The following TRIP12 variants were observed in gnomAD, a reference collection of about 807,000 sequenced individuals.
TRIP12 encodes E3 ubiquitin-protein ligase TRIP12.
Under a neutral mutation model 244.2 loss-of-function variants are expected in TRIP12, and 25 were observed. The observed-to-expected ratio is 0.10, with a 90% CI of 0.07 to 0.14. The LOEUF is 0.14. TRIP12 is among the 10% of genes least tolerant of loss of function. TRIP12 has a pLI of 1.00. For synonymous variants in TRIP12, 905 were observed against 873.1 expected, an observed-to-expected ratio of 1.04 and a Z score of -0.64; for missense variants, 1,677 against 2,486.4, an observed-to-expected ratio of 0.67 and a Z score of 6.92.
intron 36 of TRIP12, among the ~76,000 whole-genome samples, chr2:229,777,941 T>A (rs1338884988): frequency 6.6e-6 from 1 of 152,192 alleles, no homozygotes; most frequent in Non-Finnish European, 1.5e-5. Flanking sequence ...AGAGGACTGC[T>A]TGAGGCCAGA....
intron 4 of TRIP12, among the ~76,000 whole-genome samples, chr2:229,856,783 G>C (rs1418249157): frequency 1.3e-5 from 2 of 152,168 alleles, no homozygotes; most frequent in Non-Finnish European, 1.5e-5. Flanking sequence ...ACAAATAGTT[G>C]GTTGTCCTTT....
chr2:229,886,756 T>C (rs1316879881), intron 1 of TRIP12, among the ~76,000 whole-genome samples: 2 of 152,218 alleles, frequency 1.3e-5, no homozygotes, highest in Non-Finnish European at 2.9e-5. Context: ...CATGAGCCAC[T>C]GTGCCCGGCC....
At chr2:229,884,026 G>A (rs894910708) in intron 1 of TRIP12, among the ~76,000 whole-genome samples, 24 of 151,336 alleles carry the variant, frequency 1.6e-4, no homozygotes, top group Non-Finnish European at 2.8e-4. Flanking sequence ...CAGGAGAATC[G>A]CTTGAACTCA....
At chr2:229,795,360 AC>A (rs753028946) in intron 25 of TRIP12, 30 bp from the exon 26 acceptor site, 2 of 1,581,426 alleles carry the variant, frequency 1.3e-6, no homozygotes, top group Non-Finnish European at 1.7e-6. Context: ...AACAGGTTAA[AC>A]AAAGCCTTTT....
At chr2:229,810,470 T>C (rs1465121496) in intron 15 of TRIP12, among the ~76,000 whole-genome samples, 4 of 152,190 alleles carry the variant, frequency 2.6e-5, no homozygotes, top group Non-Finnish European at 5.9e-5. Context: ...CATTCCTACT[T>C]TTTGAGGGAA....
intron 4 of TRIP12, among the ~76,000 whole-genome samples, chr2:229,847,925 G>C (rs1214895341): frequency 6.6e-6 from 1 of 152,104 alleles, no homozygotes; most frequent in East Asian, 1.9e-4. Flanking sequence ...AAATAAGAGG[G>C]AGAGAAGGGA....
chr2:229,872,176 C>T (rs2062761800), intron 2 of TRIP12, among the ~76,000 whole-genome samples: 1 of 147,626 alleles, frequency 6.8e-6, no homozygotes, highest in Non-Finnish European at 1.5e-5. Flanking sequence ...TGCCTGTAAT[C>T]CCAGCACTTT....
intron 26 of TRIP12, 175 bp from the exon 27 acceptor site, chr2:229,793,320 T>A (rs1017635258): frequency 3.6e-6 from 2 of 559,966 alleles, no homozygotes; most frequent in Non-Finnish European, 2.9e-6. Context: ...TTAGAAAAAA[T>A]TTTTATACGT....
At chr2:229,858,190 C>T (rs1010485285) in intron 4 of TRIP12, among the ~76,000 whole-genome samples, 1 of 151,980 alleles carries the variant, frequency 6.6e-6, no homozygotes, top group African/African-American at 2.4e-5. Context: ...ACAGTGAAAC[C>T]CCATCTCTAC....
chr2:229,776,674 C>A (rs2154242939), intron 37 of TRIP12, among the ~76,000 whole-genome samples: 1 of 152,226 alleles, frequency 6.6e-6, no homozygotes, highest in African/African-American at 2.4e-5. Context: ...TGTTACCAGC[C>A]CAAACAAGCT....
intron 2 of TRIP12, among the ~76,000 whole-genome samples, chr2:229,872,851 C>T (rs773358386): frequency 4.6e-5 from 7 of 152,118 alleles, no homozygotes; most frequent in Non-Finnish European, 7.4e-5. Flanking sequence ...TGGGTAACTC[C>T]TGTCTTGCCA....
At chr2:229,917,837 G>A (rs2075789173) in intron 1 of TRIP12, among the ~76,000 whole-genome samples, 1 of 152,138 alleles carries the variant, frequency 6.6e-6, no homozygotes, top group Non-Finnish European at 1.5e-5. Context: ...AACTACTGAT[G>A]CATGCCACCA....
At chr2:229,797,542 A>C (rs2043124748) in intron 24 of TRIP12, 148 bp downstream of exon 24, 1 of 845,232 alleles carries the variant, frequency 1.2e-6, no homozygotes, top group Admixed American at 3.4e-5. Context: ...TAAGTAAAAG[A>C]AATGCCAGCA....
upstream of TRIP12, chr2:229,922,464 C>G: frequency 6.3e-7 from 1 of 1,597,018 alleles, no homozygotes; most frequent in Non-Finnish European, 8.6e-7. Context: ...TGACCCCAAC[C>G]AAGCCCCGCC....
chr2:229,897,356 A>G (rs2069137701), intron 1 of TRIP12, among the ~76,000 whole-genome samples: 2 of 152,244 alleles, frequency 1.3e-5, no homozygotes, highest in South Asian at 4.1e-4. Context: ...CAACTAAAAA[A>G]TAAATAAGGG....
intron 1 of TRIP12, among the ~76,000 whole-genome samples, chr2:229,905,751 G>C (rs1368438567): frequency 2.6e-5 from 4 of 152,112 alleles, no homozygotes; most frequent in Non-Finnish European, 4.4e-5. Flanking sequence ...GGGGAGGAGG[G>C]TGTAGCTCAC....
At chr2:229,835,140 A>G (rs1465652975) in intron 6 of TRIP12, among the ~76,000 whole-genome samples, 6 of 152,258 alleles carry the variant, frequency 3.9e-5, no homozygotes, top group Admixed American at 3.9e-4. Flanking sequence ...TTCATGAGTC[A>G]GCAGAGAAAT....
At position 229,802,238 on chromosome 2, in the gene TRIP12, C is replaced by G. The variant is rs374645153; in HGVS notation, c.3206+14G>C. On this transcript the variant is annotated intron_variant, in intron 21 of 41. Transcript: ENST00000675903. ...CAGCAAAGAAATAAAAATCACAACACAATTCTTACTTACCCTTGAGGGCTG... is the reference window on the plus strand; with the variant it reads ...CAGCAAAGAAATAAAAATCACAACAGAATTCTTACTTACCCTTGAGGGCTG... The G allele has an allele frequency of 3.8e-6, 6 of 1,573,010 alleles. No individual in the cohort carries two copies. The highest frequency in any genetic ancestry group is 5.2e-6 in the Non-Finnish European group (6 of 1,153,294).
At position 229,767,446 on chromosome 2, in the gene TRIP12, C is replaced by T. The variant is rs2032148498; in HGVS notation, c.*108G>A. The T allele has an allele frequency of 7.4e-7, 1 of 1,354,780 alleles. No homozygotes were observed. The highest frequency in any genetic ancestry group is 9.8e-7 in the Non-Finnish European group (1 of 1,021,504). 83.9% of individuals were successfully genotyped at this position (1,354,780 alleles called of 1,614,324 possible). On this transcript the variant is annotated 3_prime_UTR_variant, in exon 42 of 42. Coordinates refer to ENST00000675903, the MANE Select transcript of TRIP12 (RefSeq NM_001348323.3). ...TATAATCTGCAAGCCGTTTTTCCTACAACAAGAAGGCGTAACATGTTTCCT... is the reference window on the plus strand; with the variant it reads ...TATAATCTGCAAGCCGTTTTTCCTATAACAAGAAGGCGTAACATGTTTCCT...
Sources: gnomAD v4.1 joint callset for allele counts (sites outside exome capture counted in the v4.1 genomes callset) on GRCh38, gnomAD v4.1.1 for gene constraint, MANE v1.5 for transcripts, NCBI Gene and HGNC (gene_info 2026-07-23, HGNC 2026-07-21) for gene names.